Variants in PRR16 observed in about 807,000 individuals in gnomAD.
PRR16 encodes proline rich 16.
PRR16 carries 6 observed loss-of-function variants against 18.2 expected under a neutral mutation model. The observed-to-expected ratio is 0.33, with a 90% CI of 0.18 to 0.65. The LOEUF (loss-of-function observed/expected upper bound fraction) is 0.65. PRR16 is among the 30% of genes least tolerant of loss of function. The probability of loss-of-function intolerance (pLI) is 0.74; values close to 1 mark genes in which losing one functional copy is unlikely to be tolerated. For missense variants in PRR16, 412 were observed against 376.6 expected (o/e 1.09, Z -0.78); for synonymous variants, 151 against 147.8 (o/e 1.02, Z -0.16).
chr5:120,704,520 T>C, the PRR16 span, among the ~76,000 whole-genome samples: 1 of 152,166 alleles, frequency 6.6e-6, no homozygotes, highest in Non-Finnish European at 1.5e-5. Flanking sequence ...CATTTTATGG[T>C]ATAGAAACTA....
the PRR16 span, among the ~76,000 whole-genome samples, chr5:120,710,348 G>C: frequency 1.3e-5 from 2 of 152,176 alleles, no homozygotes; most frequent in Middle Eastern, 3.4e-3. Flanking sequence ...GGATCTCGAA[G>C]TTGTTTTTGG....
intron 1 of PRR16, among the ~76,000 whole-genome samples, chr5:120,466,270 A>G (rs1203939057): frequency 6.6e-6 from 1 of 152,156 alleles, no homozygotes; most frequent in Non-Finnish European, 1.5e-5. Context: ...TCTTTGGTAG[A>G]CTGTGTTTTC....
chr5:120,759,043 C>G, the PRR16 span, among the ~76,000 whole-genome samples: 1 of 133,978 alleles, frequency 7.5e-6, no homozygotes, highest in Middle Eastern at 5.5e-3. Flanking sequence ...GTGGCACAAT[C>G]TCAGCTCACT....
chr5:120,625,826 G>T (rs964169246), intron 1 of PRR16, among the ~76,000 whole-genome samples: 3 of 152,074 alleles, frequency 2.0e-5, no homozygotes, highest in Non-Finnish European at 4.4e-5. Context: ...GTGCGTAGTT[G>T]TTATAATAGT....
chr5:120,495,976 T>C (rs890721051), intron 1 of PRR16, among the ~76,000 whole-genome samples: 8 of 152,000 alleles, frequency 5.3e-5, no homozygotes, highest in African/African-American at 1.9e-4. Flanking sequence ...TGTGTCAACT[T>C]AAAGAAGTTT....
At chr5:120,667,401 A>T (rs1046239120) in intron 1 of PRR16, among the ~76,000 whole-genome samples, 2 of 151,872 alleles carry the variant, frequency 1.3e-5, no homozygotes, top group African/African-American at 4.8e-5. Context: ...CTTTTAAAAA[A>T]CCAGCTCCTG....
the PRR16 span, among the ~76,000 whole-genome samples, chr5:120,757,519 T>C: frequency 8.0e-3 from 1,216 of 152,098 alleles, 7 homozygotes; most frequent in Middle Eastern, 0.027. Flanking sequence ...AAATTTGATC[T>C]ACTGGCTTTC....
intron 1 of PRR16, among the ~76,000 whole-genome samples, chr5:120,484,307 A>G (rs1341056874): frequency 6.8e-6 from 1 of 146,866 alleles, no homozygotes; most frequent in Non-Finnish European, 1.5e-5. Flanking sequence ...TATAATATAT[A>G]ATATATAATT....
At chr5:120,542,532 A>G (rs1751947908) in intron 1 of PRR16, among the ~76,000 whole-genome samples, 1 of 152,250 alleles carries the variant, frequency 6.6e-6, no homozygotes, top group South Asian at 2.1e-4. Context: ...TTTTTCCATT[A>G]ATGTTCTTCT....
the PRR16 span, among the ~76,000 whole-genome samples, chr5:120,755,842 A>G: frequency 1.3e-5 from 2 of 152,144 alleles, no homozygotes; most frequent in African/African-American, 4.8e-5. Context: ...AAAAAGCAAC[A>G]AAAGAATAAA....
intron 1 of PRR16, among the ~76,000 whole-genome samples, chr5:120,526,826 T>C (rs769646220): frequency 2.0e-5 from 3 of 152,184 alleles, no homozygotes; most frequent in Non-Finnish European, 2.9e-5. Context: ...CTCAATCTCC[T>C]GACCTGCCTG....
At chr5:120,707,047 A>T in the PRR16 span, among the ~76,000 whole-genome samples, 1 of 152,174 alleles carries the variant, frequency 6.6e-6, no homozygotes, top group Non-Finnish European at 1.5e-5. Flanking sequence ...GTAAAACTGG[A>T]AAGAGGCTGG....
chr5:120,480,821 G>A (rs942896309), intron 1 of PRR16, among the ~76,000 whole-genome samples: 3 of 152,166 alleles, frequency 2.0e-5, no homozygotes, highest in Non-Finnish European at 2.9e-5. Flanking sequence ...TATTTACTGA[G>A]CTGAAACAAG....
intron 1 of PRR16, among the ~76,000 whole-genome samples, chr5:120,477,005 A>G (rs1749462601): frequency 1.3e-5 from 2 of 152,164 alleles, no homozygotes; most frequent in Non-Finnish European, 2.9e-5. Flanking sequence ...AGCAGTTGAC[A>G]GTCTCTTTAA....
intron 1 of PRR16, among the ~76,000 whole-genome samples, chr5:120,603,090 G>A (rs953120810): frequency 4.6e-5 from 7 of 152,008 alleles, no homozygotes; most frequent in Admixed American, 4.6e-4. Flanking sequence ...AATGAGGTGG[G>A]GAGGAGTTCC....
chr5:120,768,942 A>G, the PRR16 span, among the ~76,000 whole-genome samples: 16 of 151,742 alleles, frequency 1.1e-4, no homozygotes, highest in Non-Finnish European at 2.1e-4. Context: ...TCATTACTCT[A>G]AGAGTACAAC....
intron 1 of PRR16, among the ~76,000 whole-genome samples, chr5:120,565,697 A>G (rs994769418): frequency 2.0e-5 from 3 of 152,234 alleles, no homozygotes; most frequent in African/African-American, 7.2e-5. Context: ...TATAGGATGT[A>G]AGAAGAGATT....
chr5:120,465,930 G>C (rs141009473), intron 1 of PRR16, among the ~76,000 whole-genome samples: 136 of 152,188 alleles, frequency 8.9e-4, no homozygotes, highest in Non-Finnish European at 1.4e-3. Context: ...GAGCCCCCTC[G>C]TCTTCCTCCC....
At chr5:120,696,301 CA>C in the PRR16 span, among the ~76,000 whole-genome samples, 1 of 151,790 alleles carries the variant, frequency 6.6e-6, no homozygotes, top group Non-Finnish European at 1.5e-5. Context: ...TAAAAATTCA[CA>C]AACAAAACAA....
Sources: gnomAD v4.1 joint callset for allele counts (sites outside exome capture counted in the v4.1 genomes callset) on GRCh38, gnomAD v4.1.1 for gene constraint, MANE v1.5 for transcripts, NCBI Gene and HGNC (gene_info 2026-07-23, HGNC 2026-07-21) for gene names.